The following CAMKK2 variants were observed in gnomAD, a reference collection of about 807,000 sequenced individuals.
CAMKK2 encodes the protein calcium/calmodulin dependent protein kinase kinase 2.
A neutral mutation model predicts 67.2 loss-of-function variants in CAMKK2; 30 were observed. That is an observed-to-expected ratio of 0.45 (90% CI 0.33 to 0.61). The LOEUF (loss-of-function observed/expected upper bound fraction) is 0.61. CAMKK2 is among the 20% of genes least tolerant of loss of function. CAMKK2 has a pLI of 0.02. For synonymous variants in CAMKK2, 322 were observed against 326.2 expected (o/e 0.99, Z 0.14); for missense variants, 643 against 802.0 (o/e 0.80, Z 2.39).
intron 1 of CAMKK2, among the ~76,000 whole-genome samples, chr12:121,287,767 G>A (rs778703339): frequency 2.0e-5 from 3 of 152,074 alleles, no homozygotes; most frequent in Non-Finnish European, 4.4e-5. Context: ...GCCAGGATTC[G>A]AGACCAGCTT....
At position 121,268,707 on chromosome 12, in the gene CAMKK2, A is replaced by T. The variant is rs1895133780; in HGVS notation, c.574-18T>A. The T allele has an allele frequency of 1.2e-6, 2 of 1,613,402 alleles. No individual in the cohort carries two copies. The highest frequency in any genetic ancestry group is 8.5e-7 in the Non-Finnish European group (1 of 1,179,380). ...TTCATTGCCTGCAGGAAAATGAAGG[A>T]CAGCACCTTTAGCCAGGTCCTGTTT... On this transcript the variant is annotated intron_variant, in intron 4 of 16. Coordinates refer to ENST00000404169, the MANE Select transcript of CAMKK2 (RefSeq NM_001270485.2).
intron 16 of CAMKK2, among the ~76,000 whole-genome samples, chr12:121,241,893 G>A (rs927218217): frequency 4.6e-5 from 7 of 152,236 alleles, no homozygotes; most frequent in African/African-American, 1.7e-4. Flanking sequence ...GACCCCCAGT[G>A]CCTGAATCAG....
intron 2 of CAMKK2, among the ~76,000 whole-genome samples, chr12:121,271,694 A>G (rs1352255707): frequency 6.6e-6 from 1 of 152,194 alleles, no homozygotes; most frequent in Non-Finnish European, 1.5e-5. Context: ...GGACTTCACC[A>G]AAATTAAAAC....
intron 3 of CAMKK2, 90 bp downstream of exon 3, chr12:121,270,808 C>T: frequency 9.6e-7 from 1 of 1,037,090 alleles, no homozygotes; most frequent in Non-Finnish European, 1.5e-6. Flanking sequence ...AAAGACTCCT[C>T]TCCTGCTCCC....
At chr12:121,258,065 C>T (rs1369315691) in intron 7 of CAMKK2, among the ~76,000 whole-genome samples, 2 of 150,188 alleles carry the variant, frequency 1.3e-5, no homozygotes, top group Admixed American at 1.3e-4. Context: ...AGCTCTGTCA[C>T]CCAGACTGGA....
At chr12:121,297,254 C>T, upstream of CAMKK2, 1 of 209,448 alleles carries the variant, frequency 4.8e-6, no homozygotes, top group East Asian at 1.3e-4. Flanking sequence ...CACCCGGGGC[C>T]CCTCCTGTGG....
chr12:121,276,633 T>C (rs1340905998), intron 1 of CAMKK2, among the ~76,000 whole-genome samples: 1 of 152,116 alleles, frequency 6.6e-6, no homozygotes, highest in Admixed American at 6.6e-5. Context: ...GACAGACACC[T>C]GTGGATGATG....
At chr12:121,292,598 G>A (rs908501763) in intron 1 of CAMKK2, among the ~76,000 whole-genome samples, 1 of 152,244 alleles carries the variant, frequency 6.6e-6, no homozygotes, top group Non-Finnish European at 1.5e-5. Context: ...CATGCAGCCA[G>A]CCGGCCTGAA....
At chr12:121,244,388 T>C (rs781242455) in intron 16 of CAMKK2, among the ~76,000 whole-genome samples, 185 bp downstream of exon 16, 3 of 152,204 alleles carry the variant, frequency 2.0e-5, no homozygotes, top group Admixed American at 6.5e-5. Context: ...TGACCCACCA[T>C]TGGGTCCAAG....
rs2686348 is a variant in CAMKK2, at chr12:121,285,465, T to C, written c.-59-10880A>G. 0.031 allele frequency among the ~76,000 whole-genome samples: 4,647 copies of C among 151,970 alleles called. 228 individuals carry two copies. Among genetic ancestry groups the C allele is most frequent in the African/African-American group, 0.11 (4,382 of 41,406 alleles). On this transcript the variant is annotated intron_variant, in intron 1 of 16. Transcript: ENST00000404169. The surrounding 1 kb of genome is among the most constrained non-coding windows in gnomAD (Gnocchi z 4.1). Reference sequence around the variant, plus strand: ...TTGCAGTGAGCCAAGATTGCACCACTGCACTCCAGCCTGGGCAACAGAGCA... The same window carrying C: ...TTGCAGTGAGCCAAGATTGCACCACCGCACTCCAGCCTGGGCAACAGAGCA...
chr12:121,256,386 A>T (rs1892300671), intron 7 of CAMKK2, among the ~76,000 whole-genome samples: 1 of 152,268 alleles, frequency 6.6e-6, no homozygotes, highest in East Asian at 1.9e-4. Context: ...CAAAAAAAAA[A>T]TTTCTTTGAG....
In CAMKK2 at chr12:121,265,992, C is replaced by T. The variant is rs767594451; in HGVS notation, c.626-2053G>A. Among the ~76,000 whole-genome samples the T allele has an allele frequency of 4.6e-5, 7 of 152,234 alleles. No homozygotes were observed. The South Asian group carries it at 6.2e-4, about 14-fold the overall frequency. ...TGTCTACCAGACTGGAGTGCAGTGG[C>T]GCAATCAAGAATCACTGCAGCCTTG... On this transcript the variant is annotated intron_variant, in intron 5 of 16. Transcript: ENST00000404169.
rs550775610 is a variant in CAMKK2, at chr12:121,250,104, T to C, written c.1162-70A>G. The C allele has an allele frequency of 6.0e-6, 7 of 1,170,850 alleles. No individual in the cohort carries two copies. In the East Asian group the frequency reaches 1.0e-4, roughly 17 times the overall value. 72.5% of individuals were successfully genotyped at this position (1,170,850 alleles called of 1,614,324 possible). On this transcript the variant is annotated intron_variant, in intron 11 of 16. Transcript: ENST00000404169. ...TCTGCCCTTCGAGGGCCACCTGTGCTGTGCCACTCCACATAGGATACAGCA... is the reference window on the plus strand; with the variant it reads ...TCTGCCCTTCGAGGGCCACCTGTGCCGTGCCACTCCACATAGGATACAGCA...
intron 11 of CAMKK2, among the ~76,000 whole-genome samples, chr12:121,250,271 A>G (rs1443645911): frequency 6.6e-6 from 1 of 152,146 alleles, no homozygotes; most frequent in African/African-American, 2.4e-5. Context: ...AGCCTTTCCC[A>G]AGCACACTGC....
At chr12:121,247,686 G>A (rs924183213) in intron 14 of CAMKK2, among the ~76,000 whole-genome samples, 1 of 152,114 alleles carries the variant, frequency 6.6e-6, no homozygotes, top group African/African-American at 2.4e-5. Context: ...CCAGGGCTCA[G>A]CTTTGGGAGG....
At position 121,245,294 on chromosome 12, in the gene CAMKK2, G is replaced by A. The variant is rs1359211966; in HGVS notation, c.1453-54C>T. 13 of 1,116,828 alleles carry A rather than the reference G, an allele frequency of 1.2e-5. No individual in the cohort carries two copies. The highest frequency in any genetic ancestry group is 3.1e-5 in the African/African-American group (2 of 64,616). 69.2% of individuals were successfully genotyped at this position (1,116,828 alleles called of 1,614,324 possible). ...GGCAACTGCTTGGCCATGTGGGGGC[G>A]ATTCTGGGCAACATCCTCCCTCTTC... On this transcript the variant is annotated intron_variant, in intron 14 of 16. Coordinates refer to ENST00000404169, the MANE Select transcript of CAMKK2 (RefSeq NM_001270485.2). The surrounding 1 kb of genome is among the most constrained non-coding windows in gnomAD (Gnocchi z 5.8).
intron 16 of CAMKK2, among the ~76,000 whole-genome samples, chr12:121,243,119 C>T (rs1888709264): frequency 6.6e-6 from 1 of 151,734 alleles, no homozygotes; most frequent in Admixed American, 6.6e-5. Flanking sequence ...CCGCAACCTC[C>T]ACCTCCTGGG....
At chr12:121,289,919 C>G (rs35025598) in intron 1 of CAMKK2, among the ~76,000 whole-genome samples, 6,638 of 97,716 alleles carry the variant, frequency 0.068, 589 homozygotes, top group African/African-American at 0.41. Flanking sequence ...AAAGGCGGGG[C>G]GGGGAGCCAA....
At chr12:121,263,144 G>A (rs1893817740) in intron 6 of CAMKK2, among the ~76,000 whole-genome samples, 1 of 152,048 alleles carries the variant, frequency 6.6e-6, no homozygotes, top group Non-Finnish European at 1.5e-5. Context: ...TAATTTTTTT[G>A]TATTTTTAAT....
Sources: gnomAD v4.1 joint callset for allele counts (sites outside exome capture counted in the v4.1 genomes callset) on GRCh38, gnomAD v4.1.1 for gene constraint, Gnocchi (gnomAD v3.1) non-coding constraint, MANE v1.5 for transcripts, NCBI Gene and HGNC (gene_info 2026-07-23, HGNC 2026-07-21) for gene names.